RABAC1: variants seen among roughly 807,000 people sequenced by gnomAD.
RABAC1 encodes Rab acceptor 1.
Under a neutral mutation model 22.9 loss-of-function variants are expected in RABAC1, and 16 were observed. The observed-to-expected ratio is 0.70, with a 90% CI of 0.47 to 1.06. The LOEUF is 1.06. Among genes scored for constraint, RABAC1 ranks in the 50% least tolerant of loss-of-function variants. The pLI is 0.00. For synonymous variants in RABAC1, 139 were observed against 107.7 expected (o/e 1.29, Z -1.80); for missense variants, 227 against 246.5 (o/e 0.92, Z 0.53).
Position 41,958,464 on chromosome 19 carries a change from G to A in RABAC1, c.270-81C>T. 2.9e-6 allele frequency: 4 copies of A among 1,358,536 alleles called. No individual in the cohort carries two copies. The South Asian group carries it at 3.7e-5, about 13-fold the overall frequency. The allele number at this position is 1,358,536 out of a possible 1,614,324, so 84.2% of individuals were successfully genotyped here. A position where few individuals can be genotyped will look rare whatever the true frequency, so the allele number is the denominator to read the frequency against. Reference sequence around the variant, plus strand: ...ACGGCCCTGGCCTTCTCCACCGGCGGGCGGCAAGCTACATCCTGGAGACCA... The same window carrying A: ...ACGGCCCTGGCCTTCTCCACCGGCGAGCGGCAAGCTACATCCTGGAGACCA... On this transcript the variant is annotated intron_variant, in intron 2 of 4. Transcript: ENST00000222008.
rs782761254 is a variant in RABAC1, at chr19:41,959,260, G to C, written c.33C>G (p.Ala11=). 1 of 1,613,526 alleles carries C rather than the reference G, an allele frequency of 6.2e-7. No individual in the cohort carries two copies. The highest frequency in any genetic ancestry group is 1.7e-5 in the Admixed American group (1 of 59,994). The change falls in exon 1 of 5, where the codon GCC becomes GCG. Residue 11 remains alanine (A), a synonymous_variant. Coordinates refer to ENST00000222008, the MANE Select transcript of RABAC1 (RefSeq NM_006423.3). MAAQKDQQKD[A]EAEGLSGTTL... ...ACGTGCCGCTCAGCCCTTCCGCCTC[G>C]GCATCTTTCTGCTGGTCCTTCTGCG... is the stretch of plus-strand genomic sequence containing the variant.
In RABAC1 at chr19:41,958,836, G is replaced by T. The variant is rs927194134; in HGVS notation, c.169C>A (p.Pro57Thr). 1 of 1,609,848 alleles carries T rather than the reference G, an allele frequency of 6.2e-7. No homozygotes were observed. The highest frequency in any genetic ancestry group is 1.1e-5 in the South Asian group (1 of 91,034). Residue 57 changes from proline to threonine, a missense_variant, in exon 2 of 5, where the codon CCC becomes ACC. By Grantham distance (38) the Pro-to-Thr change is conservative. Coordinates refer to ENST00000222008, the MANE Select transcript of RABAC1 (RefSeq NM_006423.3). Reference sequence around the variant, plus strand: ...TGGCACAGCTCTCCCAGGTTGCGGGGCCGTGAGAAGCGCTGCTGGTCCACG... The same window carrying T: ...TGGCACAGCTCTCCCAGGTTGCGGGTCCGTGAGAAGCGCTGCTGGTCCACG... ...TFVDQQRFSR[P>T]RNLGELCQRL... is the part of the protein sequence containing the mutation.
chr19:41,957,973 G>A, intron 3 of RABAC1: 1 of 330,552 alleles, frequency 3.0e-6, no homozygotes, highest in South Asian at 2.7e-5. Flanking sequence ...TGCAGCTGAT[G>A]TTGGCCGCAG....
intron 3 of RABAC1, chr19:41,958,022 T>C (rs1173361638): frequency 2.4e-6 from 1 of 413,284 alleles, no homozygotes; most frequent in Admixed American, 3.7e-5. Context: ...AGGAGTCATG[T>C]GGTTTGAAAA....
chr19:41,958,090 G>A (rs570449849), intron 3 of RABAC1, 196 bp downstream of exon 3: 65 of 565,516 alleles, frequency 1.1e-4, no homozygotes, highest in Non-Finnish European at 2.6e-5. Context: ...ATAGCAATTT[G>A]AGGGGGCTGA....
rs1802888091 is a variant in RABAC1 at position 41,956,713 on chromosome 19, T to A, written c.*133A>T. ...TGAATGACACCCATAACAGCTTTATTTTCAAAGGCGGGATCCCTCCCCGGG... is the reference window on the plus strand; with the variant it reads ...TGAATGACACCCATAACAGCTTTATATTCAAAGGCGGGATCCCTCCCCGGG... On this transcript the variant is annotated 3_prime_UTR_variant, in exon 5 of 5. Coordinates refer to ENST00000222008, the MANE Select transcript of RABAC1 (RefSeq NM_006423.3). The A allele has an allele frequency of 5.2e-6, 4 of 767,536 alleles. No homozygotes were observed. Among genetic ancestry groups the A allele is most frequent in the Admixed American group, 3.0e-5 (1 of 33,710 alleles). 47.5% of individuals were successfully genotyped at this position (767,536 alleles called of 1,614,324 possible). A position where few individuals can be genotyped will look rare whatever the true frequency, so the allele number is the denominator to read the frequency against.
intron 3 of RABAC1, 135 bp from the exon 4 acceptor site, chr19:41,957,254 C>G (rs1007504626): frequency 4.2e-6 from 3 of 710,870 alleles, no homozygotes; most frequent in Middle Eastern, 3.1e-4. Flanking sequence ...CCAAGGCCCT[C>G]CAGGTCCTGG....
chr19:41,958,365 C>T lies in RABAC1; in HGVS notation c.288G>A (p.Leu96=). 6.2e-7 allele frequency: 1 copy of T among 1,613,504 alleles called. No individual in the cohort carries two copies. The highest frequency in any genetic ancestry group is 8.5e-7 in the Non-Finnish European group (1 of 1,179,830). ...ILYCVVTSPM[L]LVALAVFFGA... is the part of the protein sequence containing the mutation. ...CGAAAAAGACAGCCAGAGCCACCAG[C>T]AACATAGGGGACGTCACCCTGGAGG... is the stretch of plus-strand genomic sequence containing the variant. The change falls in exon 3 of 5, where the codon TTG becomes TTA. Residue 96 remains leucine, a synonymous_variant. Transcript: ENST00000222008.
chr19:41,956,941 G>A lies in RABAC1; in HGVS notation c.470-7C>T, dbSNP rs782431070. The A allele has an allele frequency of 1.2e-6, 2 of 1,612,266 alleles. No individual in the cohort carries two copies. Among genetic ancestry groups the A allele is most frequent in the East Asian group, 4.5e-5 (2 of 44,836 alleles). On this transcript the variant is annotated splice_polypyrimidine_tract_variant and splice_region_variant and intron_variant, in intron 4 of 4. Transcript: ENST00000222008. ...ATGACCACCAGGGTGGCTCCTGCAG[G>A]AAAGCCGGCAGCTCAGGGCCACACT...
In RABAC1 at chr19:41,958,193, G is replaced by C. The variant is rs568250560; in HGVS notation, c.367+93C>G. ...CTAGGCTTGGGCGGACTTGGGTTTT[G>C]AAGGACTTGGATTTGGGGTCTGAGG... On this transcript the variant is annotated intron_variant, in intron 3 of 4. Transcript: ENST00000222008. 4.2e-4 allele frequency: 537 copies of C among 1,283,666 alleles called. No homozygotes were observed. In the African/African-American group the frequency reaches 7.5e-3, roughly 18 times the overall value. 79.5% of individuals were successfully genotyped at this position (1,283,666 alleles called of 1,614,324 possible). A position where few individuals can be genotyped will look rare whatever the true frequency, so the allele number is the denominator to read the frequency against.
chr19:41,957,693 G>A (rs760434312), intron 3 of RABAC1, among the ~76,000 whole-genome samples: 4 of 152,136 alleles, frequency 2.6e-5, no homozygotes, highest in Non-Finnish European at 4.4e-5. Flanking sequence ...GGCCCCTGAA[G>A]AGCCTGGCCT....
Position 41,958,968 on chromosome 19 carries a change from G to C in RABAC1, c.57-20C>G. ...AGGGTCCTGCGGGGGGTGGGGCCGGGTCAGTGGTGGACCGGGATGGAGCCC... is the reference window on the plus strand; with the variant it reads ...AGGGTCCTGCGGGGGGTGGGGCCGGCTCAGTGGTGGACCGGGATGGAGCCC... On this transcript the variant is annotated intron_variant, in intron 1 of 4. Transcript: ENST00000222008. 6.5e-7 allele frequency: 1 copy of C among 1,544,616 alleles called. No homozygotes were observed. Among genetic ancestry groups the C allele is most frequent in the Non-Finnish European group, 8.7e-7 (1 of 1,150,068 alleles).
chr19:41,957,017 C>T lies in RABAC1; in HGVS notation c.469+1G>A. ...CCCAGCTGCTCAGACCCTGTACTCA[C>T]CCAGCACCCAGAAGACGGCCGAGCC... is the stretch of plus-strand genomic sequence containing the variant. On this transcript the variant is annotated splice_donor_variant, in intron 4 of 4. Transcript: ENST00000222008. LOFTEE classifies it high-confidence loss of function. The T allele has an allele frequency of 6.2e-7, 1 of 1,613,786 alleles. No homozygotes were observed. Among genetic ancestry groups the T allele is most frequent in the South Asian group, 1.1e-5 (1 of 91,086 alleles).
chr19:41,957,833 T>A (rs1447946883), intron 3 of RABAC1: 1 of 169,140 alleles, frequency 5.9e-6, no homozygotes, highest in African/African-American at 2.4e-5. Context: ...GGGAACCACA[T>A]GAAACATACT....
At chr19:41,958,535 G>C (rs1249774041) in intron 2 of RABAC1, 152 bp from the exon 3 acceptor site, 2 of 922,502 alleles carry the variant, frequency 2.2e-6, no homozygotes, top group Non-Finnish European at 3.4e-6. Flanking sequence ...TGGCCAGGGT[G>C]ATGGTGGGGT....
At chr19:41,956,990 A>AC in intron 4 of RABAC1, 28 bp downstream of exon 4, 1 of 1,612,836 alleles carries the variant, frequency 6.2e-7, no homozygotes, top group Non-Finnish European at 8.5e-7. Context: ...CCCACCATCC[A>AC]CCCCAGCTGC....
In RABAC1 at chr19:41,958,374, G is replaced by A; in HGVS notation, c.279C>T (p.Ser93=). 1 of 1,613,384 alleles carries A rather than the reference G, an allele frequency of 6.2e-7. No homozygotes were observed. Among genetic ancestry groups the A allele is most frequent in the East Asian group, 2.2e-5 (1 of 44,866 alleles). Residue 93 remains serine (S), a synonymous_variant, in exon 3 of 5, where the codon TCC becomes TCT. Coordinates refer to ENST00000222008, the MANE Select transcript of RABAC1 (RefSeq NM_006423.3). ...CAGCCAGAGCCACCAGCAACATAGG[G>A]GACGTCACCCTGGAGGAGGAGTGCA... ...LGLILYCVVT[S]PMLLVALAVF...
At chr19:41,959,190 C>A (rs1555857354) in intron 1 of RABAC1, 47 bp downstream of exon 1, 1 of 1,610,712 alleles carries the variant, frequency 6.2e-7, no homozygotes, top group East Asian at 2.2e-5. Flanking sequence ...GCCGGGGGCC[C>A]GGACTCCCGG....
chr19:41,958,938 G>A lies in RABAC1; in HGVS notation c.67C>T (p.Pro23Ser), dbSNP rs2075002957. 6.3e-7 allele frequency: 1 copy of A among 1,577,526 alleles called. No individual in the cohort carries two copies. Among genetic ancestry groups the A allele is most frequent in the Non-Finnish European group, 8.6e-7 (1 of 1,166,676 alleles). Residue 23 changes from proline to serine, a missense_variant, in exon 2 of 5, where the codon CCG (proline) becomes TCG (serine). Transcript: ENST00000222008. ...CCTGCACCGGAGGGAATCAGCTTCG[G>A]CAGCAGGGTCCTGCGGGGGGTGGGG... ...AEGLSGTTLL[P>S]KLIPSGAGRE...
Sources: gnomAD v4.1 joint callset for allele counts (sites outside exome capture counted in the v4.1 genomes callset) on GRCh38, gnomAD v4.1.1 for gene constraint, MANE v1.5 for transcripts, NCBI Gene and HGNC (gene_info 2026-07-23, HGNC 2026-07-21) for gene names.